Variants in DNAH10 observed in about 807,000 individuals in gnomAD.
DNAH10 encodes axonemal beta dynein heavy chain 10.
In DNAH10, 348 loss-of-function variants were observed where a neutral mutation model predicts 506.6. The ratio of observed to expected loss-of-function variants is 0.69; its 90% CI spans 0.63 to 0.75. The LOEUF (loss-of-function observed/expected upper bound fraction) is 0.75, where lower values mean the gene tolerates loss of function less well. Ranked by LOEUF, DNAH10 falls within the 30% of genes least tolerant of loss-of-function variation. The probability of loss-of-function intolerance (pLI) is 0.00; values close to 1 mark genes in which losing one functional copy is unlikely to be tolerated. For synonymous variants in DNAH10, 2,059 were observed against 2,198.6 expected, an observed-to-expected ratio of 0.94 and a Z score of 1.78; for missense variants, 5,179 against 5,787.1, an observed-to-expected ratio of 0.89 and a Z score of 3.41.
At chr12:123,879,076 C>T (rs1057506427) in intron 48 of DNAH10, among the ~76,000 whole-genome samples, 188 bp from the exon 49 acceptor site, 1 of 152,150 alleles carries the variant, frequency 6.6e-6, no homozygotes, top group African/African-American at 2.4e-5. Flanking sequence ...AGGGGGTTTA[C>T]ATTACTTTCT....
chr12:123,867,656 C>G, intron 42 of DNAH10, 55 bp downstream of exon 42: 3 of 1,605,806 alleles, frequency 1.9e-6, no homozygotes. Flanking sequence ...AAGACAAGCT[C>G]ACGGTAGGGT....
chr12:123,934,051 G>A (rs1955349167), intron 77 of DNAH10: 2 of 558,794 alleles, frequency 3.6e-6, no homozygotes, highest in South Asian at 2.4e-5. Flanking sequence ...ATGGCTTAAG[G>A]ACTGGGGACT....
In DNAH10 at chr12:123,917,815, T is replaced by C. The variant is rs773679781; in HGVS notation, c.11232+2T>C. 3.2e-6 allele frequency: 5 copies of C among 1,565,678 alleles called. No individual in the cohort carries two copies. Among genetic ancestry groups the C allele is most frequent in the Non-Finnish European group, 4.3e-6 (5 of 1,155,512 alleles). ...GAGACCAAATCCAAGGCAACAGAGGTAGCAACCACAGTGGAAGAGGCCGTG... is the reference window on the plus strand; with the variant it reads ...GAGACCAAATCCAAGGCAACAGAGGCAGCAACCACAGTGGAAGAGGCCGTG... On this transcript the variant is annotated splice_donor_variant, in intron 64 of 78. Coordinates refer to ENST00000673944, the MANE Select transcript of DNAH10 (RefSeq NM_001372106.1). LOFTEE classifies it high-confidence loss of function. The surrounding 1 kb of genome is among the most constrained non-coding windows in gnomAD (Gnocchi z 5.6).
Position 123,832,562 on chromosome 12 carries a change from T to C in DNAH10, c.4546-552T>C, listed in dbSNP as rs957988083. Among the ~76,000 whole-genome samples the C allele has an allele frequency of 2.6e-5, 4 of 152,056 alleles. No homozygotes were observed. In the East Asian group the frequency reaches 7.7e-4, roughly 29 times the overall value. On this transcript the variant is annotated intron_variant, in intron 26 of 78. Coordinates refer to ENST00000673944, the MANE Select transcript of DNAH10 (RefSeq NM_001372106.1). ...CTCCCTATGTTGCCAAGGCTGGTCATGAACTCCTGGGCTCAAGCAGTCTGC... is the reference window on the plus strand; with the variant it reads ...CTCCCTATGTTGCCAAGGCTGGTCACGAACTCCTGGGCTCAAGCAGTCTGC...
Position 123,935,590 on chromosome 12 carries a change from A to G in DNAH10, c.*109A>G, listed in dbSNP as rs1955461631. ...CTCAAGAGGCAGGAGGGGGACTGAC[A>G]CTGATTTTTCATTTGAAATCAGCCA... On this transcript the variant is annotated 3_prime_UTR_variant, in exon 79 of 79. Transcript: ENST00000673944. The G allele has an allele frequency of 4.1e-6, 5 of 1,213,908 alleles. No homozygotes were observed. Among genetic ancestry groups the G allele is most frequent in the South Asian group, 4.3e-5 (2 of 46,996 alleles). The allele number at this position is 1,213,908 out of a possible 1,614,324, so 75.2% of individuals were successfully genotyped here.
chr12:123,869,688 G>A (rs1242874291), intron 43 of DNAH10, among the ~76,000 whole-genome samples: 1 of 152,114 alleles, frequency 6.6e-6, no homozygotes, highest in African/African-American at 2.4e-5. Context: ...CTGCACCCCA[G>A]CCAAGGCCAA....
At chr12:123,814,162 CT>C (rs927474767) in intron 21 of DNAH10, 84 of 323,966 alleles carry the variant, frequency 2.6e-4, no homozygotes, top group African/African-American at 5.8e-4. Flanking sequence ...TTCTTTTCTT[CT>C]TTTTTTTGTG....
chr12:123,793,609 A>G (rs1350166831), intron 11 of DNAH10, among the ~76,000 whole-genome samples: 3 of 152,132 alleles, frequency 2.0e-5, no homozygotes, highest in African/African-American at 7.2e-5. Context: ...AAGTACTGGG[A>G]TTACAGGTGT....
Position 123,873,557 on chromosome 12 carries a change from G to T in DNAH10, c.7786-1G>T. The stretch of plus-strand genomic sequence containing the variant: ...TTTCACATCATCTCTTTCTGCTTCA[G>T]ATTGTGTTAATGGTCAACTTCTCCT... On this transcript the variant is annotated splice_acceptor_variant, in intron 45 of 78. Coordinates refer to ENST00000673944, the MANE Select transcript of DNAH10 (RefSeq NM_001372106.1). LOFTEE classifies it high-confidence loss of function. 4.4e-6 allele frequency: 7 copies of T among 1,607,148 alleles called. No homozygotes were observed. Among genetic ancestry groups the T allele is most frequent in the Non-Finnish European group, 5.9e-6 (7 of 1,177,030 alleles).
intron 18 of DNAH10, among the ~76,000 whole-genome samples, chr12:123,808,310 T>C (rs1425832454): frequency 6.6e-6 from 1 of 152,112 alleles, no homozygotes; most frequent in Non-Finnish European, 1.5e-5. Flanking sequence ...GGATTACAGA[T>C]GTGAGCCACT....
At chr12:123,809,472 C>A (rs763375759) in intron 19 of DNAH10, among the ~76,000 whole-genome samples, 1 of 151,996 alleles carries the variant, frequency 6.6e-6, no homozygotes, top group Admixed American at 6.6e-5. Context: ...ATGGTGAGAC[C>A]CCCCCATCTC....
rs775450075 is a variant in DNAH10, at chr12:123,925,103, C to A, written c.11820C>A (p.Asn3940Lys). 22 of 1,614,016 alleles carry A rather than the reference C, an allele frequency of 1.4e-5. No homozygotes were observed. The Middle Eastern group carries it at 4.9e-4, about 36-fold the overall frequency. Residue 3940 changes from asparagine to lysine, a missense_variant, in exon 68 of 79, where the codon AAC (asparagine) becomes AAA (lysine). Physicochemically the swap from Asn to Lys is moderately conservative, Grantham distance 94. Transcript: ENST00000673944. This position sits in a 1 kb window ranked among gnomAD's most constrained non-coding sequence, Gnocchi z 4.0. ...EQFPVPLGYD[N>K]NITPFQKLLI... ...TTCCCGTCCCCTTGGGTTACGATAA[C>A]AACATCACCCCTTTCCAGAAGTTGC...
intron 54 of DNAH10, among the ~76,000 whole-genome samples, chr12:123,897,024 C>T (rs1232164072): frequency 6.6e-6 from 1 of 152,208 alleles, no homozygotes; most frequent in African/African-American, 2.4e-5. Flanking sequence ...CCTCCAGCCC[C>T]TGGCAACCTC....
intron 11 of DNAH10, among the ~76,000 whole-genome samples, chr12:123,792,081 C>T (rs920687909): frequency 3.9e-5 from 6 of 152,164 alleles, no homozygotes; most frequent in Non-Finnish European, 8.8e-5. Flanking sequence ...CATTCCTAAT[C>T]CCATTTGCCT....
At chr12:123,816,134 T>C (rs1450681766) in intron 21 of DNAH10, among the ~76,000 whole-genome samples, 3 of 152,150 alleles carry the variant, frequency 2.0e-5, no homozygotes, top group African/African-American at 4.8e-5. Flanking sequence ...TTTGTTACAA[T>C]ATTGTTCTTT....
rs769259387 is a variant in DNAH10 at position 123,785,834 on chromosome 12, G to C, written c.1319G>C (p.Arg440Pro). Residue 440 changes from arginine (R) to proline (P), a missense_variant, in exon 9 of 79, where the codon CGA becomes CCA. Physicochemically the swap from Arg to Pro is moderately radical, Grantham distance 103. Transcript: ENST00000673944. The surrounding 1 kb of genome is among the most constrained non-coding windows in gnomAD (Gnocchi z 4.1). ...CTGCGGATGGTGTGGATCATCTCCCGACACTACAACAAAGACGAGAGGATG... is the reference window on the plus strand; with the variant it reads ...CTGCGGATGGTGTGGATCATCTCCCCACACTACAACAAAGACGAGAGGATG... ...SALRMVWIISRHYNKDERMIP... is the reference protein window; with the variant it reads ...SALRMVWIISPHYNKDERMIP... The C allele has an allele frequency of 1.2e-6, 2 of 1,614,028 alleles. No individual in the cohort carries two copies. The highest frequency in any genetic ancestry group is 1.7e-6 in the Non-Finnish European group (2 of 1,179,994).
At chr12:123,906,416 ATTT>A (rs1338573644) in intron 57 of DNAH10, among the ~76,000 whole-genome samples, 1 of 151,424 alleles carries the variant, frequency 6.6e-6, no homozygotes, top group Non-Finnish European at 1.5e-5. Context: ...TAATGTTTGT[ATTT>A]TTAGTAGAGA....
intron 69 of DNAH10, chr12:123,927,510 G>C (rs1012616521): frequency 6.6e-6 from 1 of 152,466 alleles, no homozygotes; most frequent in Admixed American, 6.5e-5. Flanking sequence ...ACAGAACTGT[G>C]GTGCAAATCC....
Position 123,762,536 on chromosome 12 carries a change from T to A in DNAH10, c.200T>A (p.Val67Glu). ...FIYRTMVPEEVEVEIDEIPVL... is the reference protein window; with the variant it reads ...FIYRTMVPEEEEVEIDEIPVL... The stretch of plus-strand genomic sequence containing the variant: ...TACCGCACTATGGTGCCGGAGGAGG[T>A]GGAGGTGGAGATTGGTGAGCCTCGA... Residue 67 changes from valine to glutamate, a missense_variant, in exon 1 of 79, where the codon GTG becomes GAG. By Grantham distance (121) the Val-to-Glu change is moderately radical (BLOSUM62 -2). Transcript: ENST00000673944. This position sits in a 1 kb window ranked among gnomAD's most constrained non-coding sequence, Gnocchi z 5.0. 1 of 1,556,062 alleles carries A rather than the reference T, an allele frequency of 6.4e-7. No homozygotes were observed. The highest frequency in any genetic ancestry group is 1.2e-5 in the South Asian group (1 of 83,588).
Sources: allele counts gnomAD v4.1 joint callset (sites outside exome capture counted in the v4.1 genomes callset), GRCh38; gene constraint gnomAD v4.1.1; non-coding constraint Gnocchi (gnomAD v3.1); transcripts MANE v1.5; gene names NCBI Gene and HGNC (gene_info 2026-07-23, HGNC 2026-07-21).